Variants in SHC2 observed in about 807,000 individuals in gnomAD.
The protein encoded by SHC2 is SHC adaptor protein 2.
In SHC2, 62 loss-of-function variants were observed where a neutral mutation model predicts 60.6. The observed-to-expected ratio is 1.02, with a 90% CI of 0.83 to 1.26. The LOEUF (loss-of-function observed/expected upper bound fraction) is 1.26, where lower values mean the gene tolerates loss of function less well. SHC2 is among the 50% of genes most tolerant of loss of function. The pLI is 0.00. For missense variants in SHC2, 873 were observed against 822.2 expected, an observed-to-expected ratio of 1.06 and a Z score of -0.76; for synonymous variants, 375 against 372.4, an observed-to-expected ratio of 1.01 and a Z score of -0.08.
At chr19:421,180 C>T (rs999660991) in intron 11 of SHC2, among the ~76,000 whole-genome samples, 8 of 151,898 alleles carry the variant, frequency 5.3e-5, no homozygotes, top group African/African-American at 1.7e-4. Flanking sequence ...GGGTGGATCA[C>T]GAGGTCAGAA....
rs1651275106 is a variant in SHC2, at chr19:425,637, G to A, written c.1175-406C>T. On this transcript the variant is annotated intron_variant, in intron 9 of 12. Coordinates refer to ENST00000264554, the MANE Select transcript of SHC2 (RefSeq NM_012435.3). The surrounding 1 kb of genome is among the most constrained non-coding windows in gnomAD (Gnocchi z 4.1). ...AGTAACTCTGCTTCCCTGTAATTAT[G>A]CTATCAACATGACGCACGGAGGGTC... Among the ~76,000 whole-genome samples the A allele has an allele frequency of 6.6e-6, 1 of 152,214 alleles. No homozygotes were observed.
chr19:442,676 T>C (rs1299653818), intron 1 of SHC2, among the ~76,000 whole-genome samples: 1 of 77,652 alleles, frequency 1.3e-5, no homozygotes, highest in Non-Finnish European at 2.1e-5. Context: ...GATGAGTGGA[T>C]GGGTGGATGG....
At chr19:442,430 G>T (rs530240680) in intron 1 of SHC2, among the ~76,000 whole-genome samples, 5 of 137,492 alleles carry the variant, frequency 3.6e-5, no homozygotes, top group African/African-American at 1.4e-4. Flanking sequence ...CAGATGGATG[G>T]ATGGGCGGGT....
chr19:438,257 G>A lies in SHC2; in HGVS notation c.720+461C>T, dbSNP rs534645997. 6.6e-6 allele frequency among the ~76,000 whole-genome samples: 1 copy of A among 152,352 alleles called. No individual in the cohort carries two copies. Among genetic ancestry groups the A allele is most frequent in the East Asian group, 1.9e-4 (1 of 5,186 alleles). ...GCCTCCCAAAGTGCTGGGGTTACAG[G>A]CGTGAGCCACTGAGCCCGGCCTCAC... is the stretch of plus-strand genomic sequence containing the variant. On this transcript the variant is annotated intron_variant, in intron 4 of 12. Coordinates refer to ENST00000264554, the MANE Select transcript of SHC2 (RefSeq NM_012435.3). The surrounding 1 kb of genome is among the most constrained non-coding windows in gnomAD (Gnocchi z 5.0).
chr19:425,237 G>A lies in SHC2; in HGVS notation c.1175-6C>T. On this transcript the variant is annotated splice_region_variant and splice_polypyrimidine_tract_variant and intron_variant, in intron 9 of 12. Transcript: ENST00000264554. The surrounding 1 kb of genome is among the most constrained non-coding windows in gnomAD (Gnocchi z 4.1). ...GTAGCCGTCCCCCGGTGGAGCTGGG[G>A]AGTGTAAAGAGGGGCAGGGGGTCAG... 2 of 1,325,386 alleles carry A rather than the reference G, an allele frequency of 1.5e-6. No individual in the cohort carries two copies. Among genetic ancestry groups the A allele is most frequent in the Admixed American group, 3.0e-5 (1 of 32,964 alleles). The allele number at this position is 1,325,386 out of a possible 1,614,324, so 82.1% of individuals were successfully genotyped here.
At chr19:444,731 C>T (rs1248998995) in intron 1 of SHC2, among the ~76,000 whole-genome samples, 8 of 151,824 alleles carry the variant, frequency 5.3e-5, no homozygotes, top group Admixed American at 1.3e-4. Flanking sequence ...GTCTCTGCTG[C>T]GGACACGCTG....
At chr19:418,418 G>GCA (rs1389015178) in intron 12 of SHC2, among the ~76,000 whole-genome samples, 1 of 152,236 alleles carries the variant, frequency 6.6e-6, no homozygotes. Context: ...CACACAACCT[G>GCA]CACACAAAGG....
intron 1 of SHC2, among the ~76,000 whole-genome samples, chr19:457,721 G>A (rs926304149): frequency 6.6e-6 from 1 of 152,224 alleles, no homozygotes; most frequent in Non-Finnish European, 1.5e-5. Flanking sequence ...CCTGGCGTCT[G>A]AATTCTGAAC....
rs895989656 is a variant in SHC2 at position 453,598 on chromosome 19, G to A, written c.468+6931C>T. ...AACCCAGATCTTTAGGGATGCTGTC[G>A]AGCCATGGGATTCATCCACCGTGTC... On this transcript the variant is annotated intron_variant, in intron 1 of 12. Transcript: ENST00000264554. This position sits in a 1 kb window ranked among gnomAD's most constrained non-coding sequence, Gnocchi z 6.3. Among the ~76,000 whole-genome samples, 6 of 152,084 alleles carry A rather than the reference G, an allele frequency of 3.9e-5. No individual in the cohort carries two copies. Among genetic ancestry groups the A allele is most frequent in the African/African-American group, 7.2e-5 (3 of 41,406 alleles).
At chr19:420,338 C>T (rs1262998889) in intron 11 of SHC2, among the ~76,000 whole-genome samples, 7 of 152,176 alleles carry the variant, frequency 4.6e-5, no homozygotes, top group African/African-American at 9.7e-5. Flanking sequence ...CGCCCGCCGC[C>T]GTGTGCTTCA....
At chr19:417,452 G>A (rs1407910633) in intron 12 of SHC2, 130 bp from the exon 13 acceptor site, 1 of 152,370 alleles carries the variant, frequency 6.6e-6, no homozygotes, top group Non-Finnish European at 1.5e-5. Flanking sequence ...CCAGCCCAGA[G>A]CTCCTCAGGT....
rs1974775539 is a variant in SHC2 at position 438,651 on chromosome 19, C to G, written c.720+67G>C. ...TGCCCGCCCCCAGCACCCCACCTGG[C>G]TTTGCCTCCTAGGACTCCTGGCCCC... On this transcript the variant is annotated intron_variant, in intron 4 of 12. Transcript: ENST00000264554. This position sits in a 1 kb window ranked among gnomAD's most constrained non-coding sequence, Gnocchi z 5.0. 3.3e-6 allele frequency: 5 copies of G among 1,512,792 alleles called. No homozygotes were observed. In the African/African-American group the frequency reaches 6.9e-5, roughly 21 times the overall value. 93.7% of individuals were successfully genotyped at this position (1,512,792 alleles called of 1,614,324 possible).
chr19:436,070 A>G, intron 7 of SHC2, 95 bp downstream of exon 7: 1 of 1,372,326 alleles, frequency 7.3e-7, no homozygotes, highest in South Asian at 1.3e-5. Context: ...CAAGGGCAGG[A>G]CGGAGGCTGA....
In SHC2 at chr19:459,515, G is replaced by A. The variant is rs73916987; in HGVS notation, c.468+1014C>T. 7.7e-3 allele frequency among the ~76,000 whole-genome samples: 1,108 copies of A among 144,396 alleles called. 25 individuals are homozygous for A. The highest frequency in any genetic ancestry group is 0.027 in the African/African-American group (1,035 of 39,040). 94.7% of individuals were successfully genotyped at this position (144,396 alleles called of 152,430 possible). ...CCACTGAACCCAGCGTAGGGGGAAG[G>A]ACCCTTCTCAACTCAGTGTAGAGGG... On this transcript the variant is annotated intron_variant, in intron 1 of 12. Transcript: ENST00000264554.
rs571517760 is a variant in SHC2 at position 430,494 on chromosome 19, G to A, written c.1174+190C>T. ...GTAGTACTTATACCCAACATGCAAG[G>A]AATCTAGTGTGTGCAGGAAAAACAG... On this transcript the variant is annotated intron_variant, in intron 9 of 12. Coordinates refer to ENST00000264554, the MANE Select transcript of SHC2 (RefSeq NM_012435.3). Among the ~76,000 whole-genome samples the A allele has an allele frequency of 8.9e-4, 135 of 152,346 alleles. 2 individuals carry two copies. Among genetic ancestry groups the A allele is most frequent in the African/African-American group, 2.3e-3 (96 of 41,570 alleles).
Position 434,785 on chromosome 19 carries a change from T to C in SHC2, c.1034A>G (p.Lys345Arg), listed in dbSNP as rs539859304. ...CACTAGCCCGCCCAGCGGCGGCTCC[T>C]TCCCCGGGATGCTGTTGTAGTAATT... ...EHNYYNSIPG[K>R]EPPLGGLVDS... Residue 345 changes from lysine to arginine, a missense_variant, in exon 8 of 13, where the codon AAG becomes AGG. Coordinates refer to ENST00000264554, the MANE Select transcript of SHC2 (RefSeq NM_012435.3). 2 of 1,612,840 alleles carry C rather than the reference T, an allele frequency of 1.2e-6. No individual in the cohort carries two copies. Among genetic ancestry groups the C allele is most frequent in the Admixed American group, 1.7e-5 (1 of 59,996 alleles).
In SHC2 at chr19:425,055, C is replaced by G. The variant is rs372390597; in HGVS notation, c.1309+42G>C. On this transcript the variant is annotated intron_variant, in intron 10 of 12. Coordinates refer to ENST00000264554, the MANE Select transcript of SHC2 (RefSeq NM_012435.3). The surrounding 1 kb of genome is among the most constrained non-coding windows in gnomAD (Gnocchi z 4.1). ...GTTGTGCCTCCCCCATCAGACAACA[C>G]GGCCACACGCGATGACGGCCGCCCC... The G allele has an allele frequency of 3.0e-6, 4 of 1,347,056 alleles. No individual in the cohort carries two copies. In the East Asian group the frequency reaches 1.1e-4, roughly 38 times the overall value. 83.4% of individuals were successfully genotyped at this position (1,347,056 alleles called of 1,614,324 possible).
In SHC2 at chr19:441,650, G is replaced by T. The variant is rs1040391634; in HGVS notation, c.469-718C>A. ...TGTCCTACAGAGGCAGCAAGAGCAT[G>T]TGTGGGTGCCAGGAGCCGGGGAATG... On this transcript the variant is annotated intron_variant, in intron 1 of 12. Transcript: ENST00000264554. This position sits in a 1 kb window ranked among gnomAD's most constrained non-coding sequence, Gnocchi z 4.9. Among the ~76,000 whole-genome samples the T allele has an allele frequency of 6.6e-6, 1 of 152,236 alleles. No homozygotes were observed. The highest frequency in any genetic ancestry group is 6.5e-5 in the Admixed American group (1 of 15,290).
chr19:451,075 G>A (rs1256209826), intron 1 of SHC2, among the ~76,000 whole-genome samples: 1 of 145,406 alleles, frequency 6.9e-6, no homozygotes, highest in East Asian at 2.1e-4. Context: ...CCACGCCGTG[G>A]CCACGTCGTA....
Sources: gnomAD v4.1 joint callset for allele counts (sites outside exome capture counted in the v4.1 genomes callset) on GRCh38, gnomAD v4.1.1 for gene constraint, Gnocchi (gnomAD v3.1) non-coding constraint, MANE v1.5 for transcripts, NCBI Gene and HGNC (gene_info 2026-07-23, HGNC 2026-07-21) for gene names.